Variants in KIAA1958 observed in about 807,000 individuals in gnomAD.
KIAA1958 encodes KIAA1958, also known as uncharacterized protein KIAA1958.
In KIAA1958, 14 loss-of-function variants were observed where a neutral mutation model predicts 47.2. That is an observed-to-expected ratio of 0.30 (90% CI 0.20 to 0.46). The LOEUF (loss-of-function observed/expected upper bound fraction) is 0.46. KIAA1958 is among the 20% of genes least tolerant of loss of function. KIAA1958 has a pLI of 1.00. For missense variants in KIAA1958, 803 were observed against 909.2 expected (o/e 0.88, Z 1.50); for synonymous variants, 354 against 353.3 (o/e 1.00, Z -0.02).
chr9:112,640,559 A>G (rs559511340), intron 2 of KIAA1958, among the ~76,000 whole-genome samples: 1 of 152,202 alleles, frequency 6.6e-6, no homozygotes, highest in South Asian at 2.1e-4. Flanking sequence ...TTGAATGTTC[A>G]TGTACCTGTT....
intron 1 of KIAA1958, 128 bp from the exon 2 acceptor site, chr9:112,573,929 A>G: frequency 1.8e-6 from 1 of 550,320 alleles, no homozygotes; most frequent in Non-Finnish European, 3.2e-6. Context: ...AGCGACCTTA[A>G]CTAGATTCAG....
chr9:112,523,952 A>G (rs1834597174), intron 1 of KIAA1958, among the ~76,000 whole-genome samples: 1 of 152,228 alleles, frequency 6.6e-6, no homozygotes, highest in Non-Finnish European at 1.5e-5. Flanking sequence ...CTTCTAGCCA[A>G]CTAATATACC....
intron 1 of KIAA1958, among the ~76,000 whole-genome samples, chr9:112,551,716 A>G (rs879265028): frequency 6.6e-6 from 1 of 152,156 alleles, no homozygotes; most frequent in Non-Finnish European, 1.5e-5. Context: ...TGGCTTCTCT[A>G]GTTTTCCCAG....
At chr9:112,500,956 A>T (rs1357691366) in intron 1 of KIAA1958, among the ~76,000 whole-genome samples, 1 of 151,808 alleles carries the variant, frequency 6.6e-6, no homozygotes, top group African/African-American at 2.4e-5. Context: ...ACAAAAAAAA[A>T]AAAAATTAGC....
intron 2 of KIAA1958, among the ~76,000 whole-genome samples, chr9:112,628,705 G>A (rs1024831776): frequency 3.3e-5 from 5 of 152,120 alleles, no homozygotes; most frequent in African/African-American, 9.7e-5. Context: ...CCACCTTTGG[G>A]TCTTACGTAC....
chr9:112,563,292 C>T (rs963022120), intron 1 of KIAA1958, among the ~76,000 whole-genome samples: 6 of 151,968 alleles, frequency 3.9e-5, no homozygotes, highest in African/African-American at 1.5e-4. Context: ...ATTGGAATTG[C>T]ATCAAACCTA....
intron 1 of KIAA1958, among the ~76,000 whole-genome samples, chr9:112,497,924 G>T (rs1216877360): frequency 6.6e-6 from 1 of 151,962 alleles, no homozygotes; most frequent in Non-Finnish European, 1.5e-5. Context: ...TTTTGTTGTT[G>T]TTGTTATGTT....
chr9:112,522,723 A>T (rs933170744), intron 1 of KIAA1958, among the ~76,000 whole-genome samples: 1 of 152,194 alleles, frequency 6.6e-6, no homozygotes, highest in Non-Finnish European at 1.5e-5. Context: ...GGTTATAGTC[A>T]AAAAGCTCAG....
intron 3 of KIAA1958, among the ~76,000 whole-genome samples, chr9:112,650,798 G>T (rs890627120): frequency 9.2e-5 from 14 of 152,118 alleles, no homozygotes; most frequent in Non-Finnish European, 2.9e-5. Flanking sequence ...TTCACATCTG[G>T]CTTTAAATAT....
intron 2 of KIAA1958, among the ~76,000 whole-genome samples, chr9:112,624,594 G>A (rs1362535552): frequency 6.6e-6 from 1 of 152,202 alleles, no homozygotes; most frequent in Non-Finnish European, 1.5e-5. Flanking sequence ...TTTCTAAACA[G>A]AAAAGGAAGA....
At chr9:112,656,372 C>CAAAAAAA (rs35967386) in intron 3 of KIAA1958, among the ~76,000 whole-genome samples, 2 of 57,826 alleles carry the variant, frequency 3.5e-5, no homozygotes, top group Non-Finnish European at 6.0e-5. Context: ...GACTCTGTCT[C>CAAAAAAA]AAAAAAAAAA....
Position 112,487,837 on chromosome 9 carries a change from T to C in KIAA1958, c.-25+719T>C, listed in dbSNP as rs540847093. 4.5e-5 allele frequency among the ~76,000 whole-genome samples: 6 copies of C among 133,920 alleles called. No individual in the cohort carries two copies. In the East Asian group the frequency reaches 8.7e-4, roughly 20 times the overall value. 87.9% of individuals were successfully genotyped at this position (133,920 alleles called of 152,430 possible). On this transcript the variant is annotated intron_variant, in intron 1 of 3. Coordinates refer to ENST00000337530, the MANE Select transcript of KIAA1958 (RefSeq NM_133465.4). The stretch of plus-strand genomic sequence containing the variant: ...ACAACGTCAAACCAAAATCAAAGAA[T>C]GTTTTTGGTTCCTTCAAGTCTTTTT...
chr9:112,504,053 A>C (rs1168851742), intron 1 of KIAA1958, among the ~76,000 whole-genome samples: 1 of 152,110 alleles, frequency 6.6e-6, no homozygotes, highest in African/African-American at 2.4e-5. Context: ...AGTACTTTAG[A>C]TCTTTCTCAA....
intron 1 of KIAA1958, among the ~76,000 whole-genome samples, chr9:112,513,119 T>C (rs1587995516): frequency 1.4e-5 from 2 of 141,528 alleles, no homozygotes; most frequent in Non-Finnish European, 3.1e-5. Flanking sequence ...ATTCTCCTGC[T>C]TCAGCCTCCA....
In KIAA1958 at chr9:112,665,978, G is replaced by T. The variant is rs1025302312; in HGVS notation, c.*5909G>T. Reference sequence around the variant, plus strand: ...ATCTGTAGGCTATAGCACTGTCATAGAAAAATATACCTTTTTTTTTTTTTG... The same window carrying T: ...ATCTGTAGGCTATAGCACTGTCATATAAAAATATACCTTTTTTTTTTTTTG... On this transcript the variant is annotated 3_prime_UTR_variant, in exon 4 of 4. Coordinates refer to ENST00000337530, the MANE Select transcript of KIAA1958 (RefSeq NM_133465.4). 1.3e-5 allele frequency: 2 copies of T among 150,714 alleles called. No individual in the cohort carries two copies. Among genetic ancestry groups the T allele is most frequent in the African/African-American group, 4.9e-5 (2 of 40,562 alleles). 9.3% of individuals were successfully genotyped at this position (150,714 alleles called of 1,614,324 possible).
chr9:112,516,771 CAAATT>C (rs1395925324), intron 1 of KIAA1958, among the ~76,000 whole-genome samples: 2 of 152,168 alleles, frequency 1.3e-5, no homozygotes, highest in Admixed American at 6.5e-5. Flanking sequence ...AAACCTTAGA[CAAATT>C]AAATTTAACA....
intron 3 of KIAA1958, among the ~76,000 whole-genome samples, chr9:112,658,216 C>A (rs1837186783): frequency 6.6e-6 from 1 of 152,206 alleles, no homozygotes; most frequent in Non-Finnish European, 1.5e-5. Flanking sequence ...TAAACCACAG[C>A]TATTTCAGGA....
chr9:112,589,294 C>T (rs2131188402), intron 2 of KIAA1958, among the ~76,000 whole-genome samples: 1 of 152,168 alleles, frequency 6.6e-6, no homozygotes, highest in South Asian at 2.1e-4. Context: ...CTTGTTTGTT[C>T]ATATTTAAGA....
intron 2 of KIAA1958, among the ~76,000 whole-genome samples, chr9:112,599,308 A>C (rs956180917): frequency 1.3e-5 from 2 of 152,178 alleles, no homozygotes; most frequent in African/African-American, 4.8e-5. Context: ...TTATGTGTAT[A>C]GTGACCCTTT....
Sources: gnomAD v4.1 joint callset for allele counts (sites outside exome capture counted in the v4.1 genomes callset) on GRCh38, gnomAD v4.1.1 for gene constraint, MANE v1.5 for transcripts, NCBI Gene and HGNC (gene_info 2026-07-23, HGNC 2026-07-21) for gene names.